UBE2E2: variants seen among roughly 807,000 people sequenced by gnomAD.
UBE2E2 encodes the protein ubiquitin-conjugating enzyme E2 E2.
In UBE2E2, 6 loss-of-function variants were observed where a neutral mutation model predicts 24.7. The ratio of observed to expected loss-of-function variants is 0.24; its 90% CI spans 0.13 to 0.48. UBE2E2 has a LOEUF of 0.48. UBE2E2 is among the 20% of genes least tolerant of loss of function. The pLI, the probability that UBE2E2 is intolerant of heterozygous loss-of-function variation, is 0.99. For missense variants in UBE2E2, 169 were observed against 245.0 expected (o/e 0.69, Z 2.07); for synonymous variants, 104 against 83.6 (o/e 1.24, Z -1.33).
At chr3:23,536,854 T>C (rs1029157110) in intron 5 of UBE2E2, among the ~76,000 whole-genome samples, 2 of 152,224 alleles carry the variant, frequency 1.3e-5, no homozygotes, top group African/African-American at 4.8e-5. Flanking sequence ...TTCTTAACTT[T>C]TTTTAGTTGC....
intron 3 of UBE2E2, among the ~76,000 whole-genome samples, chr3:23,229,312 GT>G (rs1214746710): frequency 6.6e-6 from 1 of 151,976 alleles, no homozygotes; most frequent in East Asian, 1.9e-4. Context: ...ATTTCCATAG[GT>G]TTTTTGGGGA....
At chr3:23,546,028 G>A (rs1221532830) in intron 5 of UBE2E2, among the ~76,000 whole-genome samples, 1 of 151,968 alleles carries the variant, frequency 6.6e-6, no homozygotes, top group Admixed American at 6.6e-5. Flanking sequence ...AGTTGGTGAG[G>A]GATAAAAAAC....
At chr3:23,395,224 AGC>A (rs1475070275) in intron 3 of UBE2E2, among the ~76,000 whole-genome samples, 1 of 152,208 alleles carries the variant, frequency 6.6e-6, no homozygotes, top group Non-Finnish European at 1.5e-5. Context: ...CTTAAAAAGC[AGC>A]CAAACAACAG....
At chr3:23,574,875 C>T (rs1477785854) in intron 5 of UBE2E2, among the ~76,000 whole-genome samples, 2 of 152,180 alleles carry the variant, frequency 1.3e-5, no homozygotes, top group African/African-American at 2.4e-5. Flanking sequence ...TTGCTTGTTA[C>T]CAAGTCATTT....
intron 3 of UBE2E2, among the ~76,000 whole-genome samples, chr3:23,288,763 G>T (rs1346372516): frequency 1.3e-5 from 2 of 148,328 alleles, no homozygotes; most frequent in South Asian, 2.4e-4. Context: ...ATCTTACAAT[G>T]TAAAAAAAAA....
rs78282955 is a variant in UBE2E2, at chr3:23,245,609, C to T, written c.227+28297C>T. 7.2e-4 allele frequency among the ~76,000 whole-genome samples: 109 copies of T among 152,178 alleles called. 1 individual carries two copies. In the East Asian group the frequency reaches 0.018, roughly 26 times the overall value. On this transcript the variant is annotated intron_variant, in intron 3 of 5. Transcript: ENST00000396703. ...GCCGTATTTAGATCTTAAATTTATT[C>T]AGGTAGTAAGGGACCTTTGATATCC...
intron 3 of UBE2E2, among the ~76,000 whole-genome samples, chr3:23,254,764 G>A (rs1697668533): frequency 2.0e-5 from 3 of 152,102 alleles, no homozygotes; most frequent in African/African-American, 4.8e-5. Flanking sequence ...AGTGAGCTGG[G>A]TTTTCAAAGA....
intron 3 of UBE2E2, among the ~76,000 whole-genome samples, chr3:23,412,158 A>G (rs1697509694): frequency 6.6e-6 from 1 of 152,278 alleles, no homozygotes; most frequent in East Asian, 1.9e-4. Context: ...TTATAATCCC[A>G]TATTTAAATA....
intron 3 of UBE2E2, among the ~76,000 whole-genome samples, chr3:23,309,884 G>C (rs1017373134): frequency 1.3e-5 from 2 of 152,052 alleles, no homozygotes; most frequent in African/African-American, 4.8e-5. Flanking sequence ...ATGGTGGTTG[G>C]CTTCCACCAG....
intron 3 of UBE2E2, among the ~76,000 whole-genome samples, chr3:23,408,386 C>A (rs930121052): frequency 2.7e-5 from 4 of 149,528 alleles, no homozygotes; most frequent in African/African-American, 4.9e-5. Flanking sequence ...TCTAGAAAAT[C>A]TTTAAATCTG....
intron 3 of UBE2E2, among the ~76,000 whole-genome samples, chr3:23,251,564 A>G (rs115139668): frequency 2.0e-5 from 3 of 152,194 alleles, no homozygotes; most frequent in African/African-American, 7.2e-5. Flanking sequence ...CCATGTACCT[A>G]CTATGTTTGT....
intron 3 of UBE2E2, among the ~76,000 whole-genome samples, chr3:23,328,662 C>CTTTTTTTTT (rs11433089): frequency 1.4e-5 from 2 of 145,430 alleles, no homozygotes; most frequent in Non-Finnish European, 1.5e-5. Flanking sequence ...CTCTCTCTCT[C>CTTTTTTTTT]TTTTTTTTTT....
At chr3:23,401,961 A>G (rs1301073151) in intron 3 of UBE2E2, among the ~76,000 whole-genome samples, 1 of 148,404 alleles carries the variant, frequency 6.7e-6, no homozygotes, top group Non-Finnish European at 1.5e-5. Flanking sequence ...GGTTCAAGCA[A>G]TTCTCCTGTC....
chr3:23,398,554 G>A (rs1354124299), intron 3 of UBE2E2, among the ~76,000 whole-genome samples: 1 of 152,156 alleles, frequency 6.6e-6, no homozygotes, highest in Non-Finnish European at 1.5e-5. Context: ...AATACTTGTG[G>A]AGAACTGAGT....
intron 3 of UBE2E2, among the ~76,000 whole-genome samples, chr3:23,435,756 T>C (rs1462583023): frequency 6.6e-6 from 1 of 152,176 alleles, no homozygotes; most frequent in African/African-American, 2.4e-5. Flanking sequence ...GAACTGCATC[T>C]GGCCCCTTTG....
chr3:23,514,889 A>T (rs986001269), intron 4 of UBE2E2, among the ~76,000 whole-genome samples: 2 of 152,164 alleles, frequency 1.3e-5, no homozygotes, highest in African/African-American at 2.4e-5. Flanking sequence ...ATAGATAAGG[A>T]GTAGGAATAA....
At chr3:23,312,471 C>T (rs1694434893) in intron 3 of UBE2E2, among the ~76,000 whole-genome samples, 1 of 151,818 alleles carries the variant, frequency 6.6e-6, no homozygotes, top group Non-Finnish European at 1.5e-5. Context: ...CTATCAAATA[C>T]TGGATTTTTT....
At chr3:23,284,806 C>G (rs1259395725) in intron 3 of UBE2E2, among the ~76,000 whole-genome samples, 2 of 151,546 alleles carry the variant, frequency 1.3e-5, no homozygotes, top group African/African-American at 4.8e-5. Context: ...TCACTTGAAG[C>G]ATTTATCCTT....
intron 5 of UBE2E2, among the ~76,000 whole-genome samples, chr3:23,580,972 C>T (rs529880964): frequency 8.5e-5 from 13 of 152,268 alleles, no homozygotes; most frequent in Non-Finnish European, 1.6e-4. Flanking sequence ...TCCTATCTAA[C>T]GTCAGATCTG....
Sources: gnomAD v4.1 joint callset for allele counts (sites outside exome capture counted in the v4.1 genomes callset) on GRCh38, gnomAD v4.1.1 for gene constraint, MANE v1.5 for transcripts, NCBI Gene and HGNC (gene_info 2026-07-23, HGNC 2026-07-21) for gene names.